Variants in CDH20 observed in about 807,000 individuals in gnomAD.
CDH20 encodes cadherin 20, also known as cadherin-20.
CDH20 carries 29 observed loss-of-function variants against 74.2 expected under a neutral mutation model. The observed-to-expected ratio is 0.39, with a 90% confidence interval of 0.29 to 0.53. The LOEUF (loss-of-function observed/expected upper bound fraction) is 0.53, where lower values mean the gene tolerates loss of function less well. Among genes scored for constraint, CDH20 ranks in the 20% least tolerant of loss-of-function variants. The pLI is 0.69. For synonymous variants in CDH20, 469 were observed against 405.4 expected (o/e 1.16, Z -1.88); for missense variants, 988 against 1,048.3 (o/e 0.94, Z 0.79).
intron 6 of CDH20, among the ~76,000 whole-genome samples, chr18:61,515,844 G>T (rs1192521901): frequency 6.6e-6 from 1 of 150,636 alleles, no homozygotes; most frequent in Admixed American, 6.6e-5. Flanking sequence ...TGAGTTAGTG[G>T]GTGCAGCGCA....
intron 1 of CDH20, among the ~76,000 whole-genome samples, chr18:61,442,637 T>C (rs900396430): frequency 2.0e-5 from 3 of 152,210 alleles, no homozygotes; most frequent in Non-Finnish European, 2.9e-5. Flanking sequence ...AACTGCAGAC[T>C]ATTATGTGCT....
intron 7 of CDH20, among the ~76,000 whole-genome samples, chr18:61,532,664 C>A (rs903931806): frequency 6.6e-6 from 1 of 151,892 alleles, no homozygotes; most frequent in Non-Finnish European, 1.5e-5. Context: ...CATTTTCTTT[C>A]TATGCTAATC....
At chr18:61,542,032 G>A (rs1289419638) in intron 9 of CDH20, among the ~76,000 whole-genome samples, 1 of 152,086 alleles carries the variant, frequency 6.6e-6, no homozygotes, top group African/African-American at 2.4e-5. Context: ...TGTGCCTCAG[G>A]CCCCAGTCTC....
chr18:61,392,395 G>A (rs984931454), intron 1 of CDH20, among the ~76,000 whole-genome samples: 1 of 152,150 alleles, frequency 6.6e-6, no homozygotes, highest in African/African-American at 2.4e-5. Flanking sequence ...AGATGCAGAA[G>A]CTGTGGATAC....
intron 6 of CDH20, among the ~76,000 whole-genome samples, chr18:61,511,680 G>C (rs1019521944): frequency 3.9e-5 from 6 of 152,106 alleles, no homozygotes; most frequent in Non-Finnish European, 8.8e-5. Flanking sequence ...GTTTTAAAAA[G>C]TCTATTACCT....
chr18:61,356,041 G>A (rs1041758031), intron 1 of CDH20, among the ~76,000 whole-genome samples: 2 of 152,164 alleles, frequency 1.3e-5, no homozygotes, highest in African/African-American at 2.4e-5. Context: ...CCCTCAGGGT[G>A]GGCTGGGGAA....
chr18:61,534,146 C>T (rs935765383), intron 7 of CDH20, among the ~76,000 whole-genome samples: 1 of 152,160 alleles, frequency 6.6e-6, no homozygotes, highest in Non-Finnish European at 1.5e-5. Flanking sequence ...TGCTCAACAT[C>T]CCTAATCATC....
intron 5 of CDH20, among the ~76,000 whole-genome samples, chr18:61,503,411 A>C (rs185813908): frequency 7.2e-5 from 11 of 152,312 alleles, no homozygotes; most frequent in African/African-American, 1.2e-4. Context: ...ATAAAATGCA[A>C]TACTAAGGAA....
chr18:61,440,850 G>C (rs1909006797), intron 1 of CDH20, among the ~76,000 whole-genome samples: 1 of 152,120 alleles, frequency 6.6e-6, no homozygotes, highest in African/African-American at 2.4e-5. Flanking sequence ...ACTTCTGCAG[G>C]CCAAATCAGG....
At position 61,528,036 on chromosome 18, in the gene CDH20, C is replaced by T. The variant is rs1427688843; in HGVS notation, c.1087C>T (p.Arg363Cys). 6.8e-6 allele frequency: 11 copies of T among 1,613,956 alleles called. No homozygotes were observed. Among genetic ancestry groups the T allele is most frequent in the East Asian group, 2.2e-5 (1 of 44,874 alleles). Residue 363 changes from arginine (R) to cysteine (C), a missense_variant, in exon 7 of 12, where the codon CGT becomes TGT. By Grantham distance (180) the Arg-to-Cys change is radical. Transcript: ENST00000262717. ...GGGAGCCAATCCTCACCTAGAGATG[C>T]GTTTTCTGAACTTGGGCCCATTTCA... Reference protein sequence around the residue: ...VEGANPHLEMRFLNLGPFQDT... With the variant: ...VEGANPHLEMCFLNLGPFQDT...
At chr18:61,423,518 G>A (rs1385289051) in intron 1 of CDH20, among the ~76,000 whole-genome samples, 1 of 152,012 alleles carries the variant, frequency 6.6e-6, no homozygotes, top group Non-Finnish European at 1.5e-5. Flanking sequence ...CCCTGAATAT[G>A]CTACACTACA....
At chr18:61,426,574 G>C (rs765600559) in intron 1 of CDH20, among the ~76,000 whole-genome samples, 1 of 152,046 alleles carries the variant, frequency 6.6e-6, no homozygotes, top group Admixed American at 6.6e-5. Context: ...CAGTTAAATC[G>C]GTTCCTTTGC....
At chr18:61,515,250 G>C (rs955375491) in intron 6 of CDH20, among the ~76,000 whole-genome samples, 3 of 152,168 alleles carry the variant, frequency 2.0e-5, no homozygotes, top group African/African-American at 7.2e-5. Flanking sequence ...TCGGGTAGGA[G>C]TGACCCGATT....
chr18:61,394,159 C>T (rs1459511677), intron 1 of CDH20, among the ~76,000 whole-genome samples: 6 of 152,096 alleles, frequency 3.9e-5, no homozygotes, highest in East Asian at 1.9e-4. Flanking sequence ...CTGCTATACC[C>T]AGAAAGTGCC....
At chr18:61,428,443 A>G (rs1459829615) in intron 1 of CDH20, among the ~76,000 whole-genome samples, 2 of 152,150 alleles carry the variant, frequency 1.3e-5, no homozygotes, top group Middle Eastern at 3.4e-3. Flanking sequence ...CATTGTGTTG[A>G]CGGCTCCTGC....
chr18:61,403,623 G>C (rs1912227529), intron 1 of CDH20, among the ~76,000 whole-genome samples: 1 of 152,120 alleles, frequency 6.6e-6, no homozygotes, highest in Admixed American at 6.6e-5. Context: ...CCTAATCCTG[G>C]AGTCAGAGAG....
intron 6 of CDH20, among the ~76,000 whole-genome samples, chr18:61,525,996 G>A (rs1294424199): frequency 5.4e-5 from 6 of 110,222 alleles, no homozygotes; most frequent in Middle Eastern, 6.5e-3. Context: ...TTTTGGTAGC[G>A]ATGTAGGTCT....
intron 10 of CDH20, among the ~76,000 whole-genome samples, chr18:61,546,032 A>G (rs958190550): frequency 6.6e-5 from 10 of 152,200 alleles, no homozygotes; most frequent in African/African-American, 1.9e-4. Flanking sequence ...AGAAAAAAAA[A>G]GGTCAGGGCA....
In CDH20 at chr18:61,508,140, G is replaced by A. The variant is rs1356252679; in HGVS notation, c.1017+580G>A. Reference sequence around the variant, plus strand: ...CTTTCTGTGACATAAAGCACATATGGATATACTGAGCTAGAAGATAAAACT... The same window carrying A: ...CTTTCTGTGACATAAAGCACATATGAATATACTGAGCTAGAAGATAAAACT... On this transcript the variant is annotated intron_variant, in intron 6 of 11. Coordinates refer to ENST00000262717, the MANE Select transcript of CDH20 (RefSeq NM_031891.4). Among the ~76,000 whole-genome samples, 5 of 152,110 alleles carry A rather than the reference G, an allele frequency of 3.3e-5. No individual in the cohort carries two copies. The South Asian group carries it at 1.0e-3, about 31-fold the overall frequency.
Sources: allele counts gnomAD v4.1 joint callset (sites outside exome capture counted in the v4.1 genomes callset), GRCh38; gene constraint gnomAD v4.1.1; transcripts MANE v1.5; gene names NCBI Gene and HGNC (gene_info 2026-07-23, HGNC 2026-07-21).